IL1RAPL1: variants seen among roughly 807,000 people sequenced by gnomAD.
The protein encoded by IL1RAPL1 is interleukin 1 receptor accessory protein like 1.
Under a neutral mutation model 48.4 loss-of-function variants are expected in IL1RAPL1, and 3 were observed. That is an observed-to-expected ratio of 0.06 (90% CI 0.03 to 0.16). The LOEUF is 0.16. Among genes scored for constraint, IL1RAPL1 ranks in the 10% least tolerant of loss-of-function variants. IL1RAPL1 has a pLI of 1.00. For synonymous variants in IL1RAPL1, 185 were observed against 187.7 expected, an observed-to-expected ratio of 0.99 and a Z score of 0.12; for missense variants, 349 against 530.6, an observed-to-expected ratio of 0.66 and a Z score of 3.36.
At chrX:29,237,093 A>G (rs1322918372) in intron 2 of IL1RAPL1, among the ~76,000 whole-genome samples, 1 of 111,136 alleles carries the variant, frequency 9.0e-6, no homozygotes, top group Non-Finnish European at 1.9e-5. Context: ...CAGGGTTTTT[A>G]TGAGGTTTCA....
chrX:29,364,684 GTTGGATTAGGTATTGTAAGTACATACA>G (rs898583578), intron 3 of IL1RAPL1, among the ~76,000 whole-genome samples: 1 of 110,663 alleles, frequency 9.0e-6, no homozygotes, highest in Non-Finnish European at 1.9e-5. Flanking sequence ...TATTTACACA[GTTGGATTAGGTATTGTAAGTACATACA>G]TTGGATTAGG....
chrX:28,721,581 A>T (rs1446694192), intron 1 of IL1RAPL1, among the ~76,000 whole-genome samples: 1 of 110,318 alleles, frequency 9.1e-6, no homozygotes, highest in Non-Finnish European at 1.9e-5. Flanking sequence ...TTTGCTGTGC[A>T]GAAGCTCTTT....
chrX:29,015,343 C>T (rs1042361409), intron 2 of IL1RAPL1, among the ~76,000 whole-genome samples: 14 of 111,247 alleles, frequency 1.3e-4, no homozygotes, highest in South Asian at 3.7e-4. Flanking sequence ...TTAAAACTTT[C>T]GCTCTGAAAT....
intron 5 of IL1RAPL1, among the ~76,000 whole-genome samples, chrX:29,667,736 G>A (rs910956253): frequency 4.5e-5 from 5 of 112,266 alleles, no homozygotes; most frequent in Non-Finnish European, 9.4e-5. Flanking sequence ...AGAGCACAGA[G>A]CAGAAATGTG....
chrX:29,112,019 T>G (rs967910795), intron 2 of IL1RAPL1, among the ~76,000 whole-genome samples: 2 of 100,489 alleles, frequency 2.0e-5, no homozygotes, highest in African/African-American at 7.2e-5. Context: ...AACCTCCATC[T>G]CTCAGGTTCA....
intron 6 of IL1RAPL1, among the ~76,000 whole-genome samples, chrX:29,886,290 T>C (rs1932165902): frequency 8.9e-6 from 1 of 112,665 alleles, no homozygotes; most frequent in Admixed American, 9.4e-5. Context: ...CATAAATTTT[T>C]AGCTATGCAT....
intron 5 of IL1RAPL1, among the ~76,000 whole-genome samples, chrX:29,473,615 A>G (rs1255136059): frequency 1.4e-5 from 1 of 70,649 alleles, no homozygotes; most frequent in Admixed American, 1.9e-4. Flanking sequence ...ACGACCCCTC[A>G]GAACACAGGC....
At chrX:29,128,393 G>C (rs1298645283) in intron 2 of IL1RAPL1, among the ~76,000 whole-genome samples, 1 of 111,225 alleles carries the variant, frequency 9.0e-6, no homozygotes, top group East Asian at 2.8e-4. Context: ...CCTGAGTATT[G>C]AAGAACGTGC....
At chrX:28,837,592 T>G (rs1921254822) in intron 2 of IL1RAPL1, among the ~76,000 whole-genome samples, 1 of 108,468 alleles carries the variant, frequency 9.2e-6, no homozygotes, top group African/African-American at 3.4e-5. Flanking sequence ...GAGATGATAA[T>G]TCCCAGGAGA....
intron 1 of IL1RAPL1, among the ~76,000 whole-genome samples, chrX:28,618,581 A>G (rs751221361): frequency 3.6e-5 from 4 of 112,461 alleles, no homozygotes; most frequent in Non-Finnish European, 7.5e-5. Flanking sequence ...CATCTGGGTA[A>G]CAAAAATTAT....
At position 29,368,940 on chromosome X, in the gene IL1RAPL1, T is replaced by TTGCTGCTGC. The variant is rs749299402; in HGVS notation, c.363-27301_363-27293dup. On this transcript the variant is annotated intron_variant, in intron 3 of 10. Transcript: ENST00000378993. ...AGAATCTCAACTGTTCTATCTTCTG[T>TTGCTGCTGC]TGCTGCTGCTGCTGCTGCTGCTGCT... is the stretch of plus-strand genomic sequence containing the variant. 35 of 117,985 alleles carry TTGCTGCTGC rather than the reference T, an allele frequency of 3.0e-4. 1 individual carries two copies. Among genetic ancestry groups the TTGCTGCTGC allele is most frequent in the Non-Finnish European group, 4.8e-4 (28 of 57,969 alleles). The allele number at this position is 117,985 out of a possible 1,213,427, so 9.7% of individuals were successfully genotyped here.
chrX:29,463,792 T>C (rs978021027), intron 5 of IL1RAPL1, among the ~76,000 whole-genome samples: 9 of 111,727 alleles, frequency 8.1e-5, no homozygotes, highest in African/African-American at 2.9e-4. Context: ...GAAAAGGTCA[T>C]TTAGCTTCTA....
chrX:29,885,857 A>C (rs2147218056), intron 6 of IL1RAPL1, among the ~76,000 whole-genome samples: 1 of 111,617 alleles, frequency 9.0e-6, no homozygotes, highest in Non-Finnish European at 1.9e-5. Context: ...AAATTAAATT[A>C]TAACTATGAA....
intron 1 of IL1RAPL1, among the ~76,000 whole-genome samples, chrX:28,630,613 A>T (rs1486165912): frequency 9.0e-6 from 1 of 111,676 alleles, no homozygotes; most frequent in Non-Finnish European, 1.9e-5. Context: ...ATGCTTTCCT[A>T]ATTCAGGTTT....
At chrX:28,935,910 T>G (rs964868225) in intron 2 of IL1RAPL1, among the ~76,000 whole-genome samples, 1 of 111,686 alleles carries the variant, frequency 9.0e-6, no homozygotes, top group African/African-American at 3.3e-5. Context: ...AAGACTAGGT[T>G]TGTGCCTAGA....
chrX:28,986,220 C>T (rs1030121464), intron 2 of IL1RAPL1, among the ~76,000 whole-genome samples: 1 of 111,644 alleles, frequency 9.0e-6, no homozygotes, highest in Non-Finnish European at 1.9e-5. Context: ...GAGATTTAAT[C>T]GAGTATTTTT....
intron 3 of IL1RAPL1, among the ~76,000 whole-genome samples, chrX:29,322,660 T>A (rs750273662): frequency 6.1e-4 from 68 of 111,958 alleles, no homozygotes; most frequent in South Asian, 1.1e-3. Context: ...ACAATTTAGT[T>A]CACTGTTCTG....
intron 2 of IL1RAPL1, among the ~76,000 whole-genome samples, chrX:28,913,385 A>T (rs181908956): frequency 3.5e-4 from 39 of 111,744 alleles, no homozygotes; most frequent in Admixed American, 9.6e-4. Context: ...TTTAGATTGT[A>T]CTTCATAGTC....
chrX:29,860,264 A>G (rs2147203222), intron 6 of IL1RAPL1, among the ~76,000 whole-genome samples: 1 of 112,149 alleles, frequency 8.9e-6, no homozygotes, highest in South Asian at 3.8e-4. Flanking sequence ...TAGTGTGTCA[A>G]TAAACCATAT....
Sources: allele counts gnomAD v4.1 joint callset (sites outside exome capture counted in the v4.1 genomes callset), GRCh38; gene constraint gnomAD v4.1.1; transcripts MANE v1.5; gene names NCBI Gene and HGNC (gene_info 2026-07-23, HGNC 2026-07-21).